The following LIPA variants were observed in gnomAD, a reference collection of about 807,000 sequenced individuals.
LIPA encodes the protein lipase A, lysosomal acid type.
LIPA carries 26 observed loss-of-function variants against 40.6 expected under a neutral mutation model. The ratio of observed to expected loss-of-function variants is 0.64; its 90% CI spans 0.47 to 0.89. LIPA has a LOEUF of 0.89. LIPA is among the 40% of genes least tolerant of loss of function. The pLI is 0.00. For synonymous variants in LIPA, 188 were observed against 168.4 expected (o/e 1.12, Z -0.90); for missense variants, 455 against 479.6 (o/e 0.95, Z 0.48).
At chr10:89,226,515 T>A (rs2133432297) in intron 5 of LIPA, among the ~76,000 whole-genome samples, 1 of 152,346 alleles carries the variant, frequency 6.6e-6, no homozygotes, top group Middle Eastern at 3.4e-3. Context: ...TTTTCAAAAT[T>A]TTTTGTAAAC....
intron 2 of LIPA, among the ~76,000 whole-genome samples, chr10:89,392,346 T>C (rs983408051): frequency 6.6e-6 from 1 of 152,180 alleles, no homozygotes; most frequent in African/African-American, 2.4e-5. Flanking sequence ...CTGATGTTCT[T>C]TAGGGAGGAC....
intron 1 of LIPA, chr10:89,335,360 GA>G (rs998756226): frequency 1.3e-5 from 2 of 152,098 alleles, no homozygotes; most frequent in African/African-American, 4.8e-5. Flanking sequence ...CACAAGTCCA[GA>G]AATGTTCAGT....
Position 89,248,443 on chromosome 10 carries a change from TATTTATTTATTTATTTA to T in LIPA, c.-1-811_-1-795del, listed in dbSNP as rs1177398822. Among the ~76,000 whole-genome samples, 30 of 33,200 alleles carry T rather than the reference TATTTATTTATTTATTTA, an allele frequency of 9.0e-4. 1 individual carries two copies. The highest frequency in any genetic ancestry group is 3.2e-3 in the Admixed American group (10 of 3,132). 21.8% of individuals were successfully genotyped at this position (33,200 alleles called of 152,430 possible). On this transcript the variant is annotated intron_variant, in intron 1 of 9. Transcript: ENST00000336233. Reference sequence around the variant, plus strand: ...AGGAATTATTATTATTATTATTTTATATTTATTTATTTATTTATTTATTTATTTATTTATTTATTTAT... The same window carrying T: ...AGGAATTATTATTATTATTATTTTATTTTATTTATTTATTTATTTATTTAT...
chr10:89,233,116 T>C (rs1842862169), intron 3 of LIPA, among the ~76,000 whole-genome samples: 1 of 152,252 alleles, frequency 6.6e-6, no homozygotes, highest in Admixed American at 6.5e-5. Context: ...AAAGACACTA[T>C]TTTTCTAATT....
chr10:89,263,648 G>C (rs1270347072), intron 1 of LIPA, among the ~76,000 whole-genome samples: 1 of 152,250 alleles, frequency 6.6e-6, no homozygotes, highest in Non-Finnish European at 1.5e-5. Flanking sequence ...AAGATCCTTA[G>C]GGTGTCACTT....
At position 89,371,526 on chromosome 10, in the gene LIPA, G is replaced by C. The variant is rs903497760; in HGVS notation, c.61+41265C>G. Among the ~76,000 whole-genome samples, 36 of 152,140 alleles carry C rather than the reference G, an allele frequency of 2.4e-4. 1 individual carries two copies. Among genetic ancestry groups the C allele is most frequent in the Admixed American group, 2.4e-3 (36 of 15,282 alleles). The stretch of plus-strand genomic sequence containing the variant: ...AATAAAATCAAATATGTTCTAATCT[G>C]TCTCTGTCTCCCACGAGACAGCAAA... On this transcript the variant is annotated intron_variant, in intron 2 of 8. Transcript: ENST00000371837.
At chr10:89,300,147 T>C (rs578178449) in intron 1 of LIPA, among the ~76,000 whole-genome samples, 50 of 152,204 alleles carry the variant, frequency 3.3e-4, no homozygotes, top group Non-Finnish European at 2.8e-4. Flanking sequence ...GACCATTATG[T>C]TAAATGCAAT....
At chr10:89,233,051 C>T (rs923791425) in intron 3 of LIPA, among the ~76,000 whole-genome samples, 7 of 152,186 alleles carry the variant, frequency 4.6e-5, no homozygotes, top group Non-Finnish European at 7.4e-5. Flanking sequence ...ACCTGCACAA[C>T]GCTTTTCTCA....
chr10:89,310,077 A>C (rs1169824685), intron 1 of LIPA, among the ~76,000 whole-genome samples: 2 of 152,214 alleles, frequency 1.3e-5, no homozygotes, highest in Non-Finnish European at 2.9e-5. Context: ...TCTGTATTTG[A>C]TTGCCACCTT....
At chr10:89,288,449 G>A (rs190732951) in intron 1 of LIPA, among the ~76,000 whole-genome samples, 242 of 152,148 alleles carry the variant, frequency 1.6e-3, no homozygotes, top group African/African-American at 5.5e-3. Flanking sequence ...TACACACAGC[G>A]AAAGTACAGG....
At chr10:89,373,505 G>A (rs1844104851) in intron 2 of LIPA, among the ~76,000 whole-genome samples, 1 of 152,056 alleles carries the variant, frequency 6.6e-6, no homozygotes, top group Non-Finnish European at 1.5e-5. Context: ...GACATGATTG[G>A]TGCAAGTTTG....
chr10:89,410,011 T>C (rs1378380601), intron 2 of LIPA, among the ~76,000 whole-genome samples: 1 of 152,180 alleles, frequency 6.6e-6, no homozygotes, highest in Non-Finnish European at 1.5e-5. Flanking sequence ...AACTTTTCTT[T>C]AAACATCACA....
intron 7 of LIPA, among the ~76,000 whole-genome samples, chr10:89,223,030 C>T (rs773210416): frequency 5.9e-5 from 9 of 151,792 alleles, no homozygotes; most frequent in Non-Finnish European, 1.0e-4. Flanking sequence ...ATAGTATTGG[C>T]CAAGGGTTTA....
chr10:89,328,629 G>A (rs1350052336), intron 1 of LIPA, among the ~76,000 whole-genome samples: 4 of 152,156 alleles, frequency 2.6e-5, no homozygotes, highest in Admixed American at 1.3e-4. Context: ...ATTACTTTAA[G>A]GTGGGAAGTG....
intron 2 of LIPA, among the ~76,000 whole-genome samples, chr10:89,368,572 G>C (rs930790970): frequency 6.6e-5 from 10 of 152,248 alleles, no homozygotes; most frequent in African/African-American, 1.9e-4. Context: ...ATTGTCTTAA[G>C]TGGGTTATAG....
chr10:89,398,919 T>G lies in LIPA; in HGVS notation c.61+13872A>C, dbSNP rs952884726. On this transcript the variant is annotated intron_variant, in intron 2 of 8. Coordinates refer to the LIPA transcript ENST00000371837. ...AAAGTGGAATTGCTGGATCAAATGG[T>G]AATTCTATGGTTAATTTTTCTGAGG... 5.9e-5 allele frequency among the ~76,000 whole-genome samples: 9 copies of G among 152,342 alleles called. No homozygotes were observed. The South Asian group carries it at 1.9e-3, about 32-fold the overall frequency.
chr10:89,392,808 G>A, intron 2 of LIPA: 3 of 1,364,192 alleles, frequency 2.2e-6, no homozygotes, highest in Admixed American at 1.7e-5. Context: ...ATCTCAGTGA[G>A]GTCAGGTTTT....
At chr10:89,293,877 T>C (rs1843393302) in intron 1 of LIPA, among the ~76,000 whole-genome samples, 1 of 152,186 alleles carries the variant, frequency 6.6e-6, no homozygotes, top group African/African-American at 2.4e-5. Flanking sequence ...GGTTAGGGCT[T>C]CAATGATGAA....
At chr10:89,252,122 C>T (rs1293107558), upstream of LIPA, 2 of 152,266 alleles carry the variant, frequency 1.3e-5, no homozygotes, top group African/African-American at 4.8e-5. Context: ...TCCTGCAGGG[C>T]TGGCACCTTC....
Sources: allele counts gnomAD v4.1 joint callset (sites outside exome capture counted in the v4.1 genomes callset), GRCh38; gene constraint gnomAD v4.1.1; transcripts MANE v1.5; gene names NCBI Gene and HGNC (gene_info 2026-07-23, HGNC 2026-07-21).